Variants in MYCBP2 observed in about 807,000 individuals in gnomAD.
MYCBP2 encodes the protein MYC binding protein 2.
A neutral mutation model predicts 525.3 loss-of-function variants in MYCBP2; 120 were observed. That is an observed-to-expected ratio of 0.23 (90% CI 0.20 to 0.27). The LOEUF (loss-of-function observed/expected upper bound fraction) is 0.27, where lower values mean the gene tolerates loss of function less well. Among genes scored for constraint, MYCBP2 ranks in the 10% least tolerant of loss-of-function variants. MYCBP2 has a pLI of 1.00. For missense variants in MYCBP2, 4,149 were observed against 5,657.1 expected (o/e 0.73, Z 8.55); for synonymous variants, 1,894 against 1,955.8 (o/e 0.97, Z 0.83).
intron 26 of MYCBP2, among the ~76,000 whole-genome samples, chr13:77,198,417 A>G (rs2062000643): frequency 6.6e-6 from 1 of 152,260 alleles, no homozygotes; most frequent in Admixed American, 6.5e-5. Flanking sequence ...ATTATGAAGA[A>G]GAGTGTTAAC....
At position 77,191,750 on chromosome 13, in the gene MYCBP2, T is replaced by C. The variant is rs759314259; in HGVS notation, c.3999A>G (p.Ala1333=). ...VLLQAGWWYV[A]WARVSGPSSD... ...TGCTGGGTCCTGACACTCGGGCCCA[T>C]GCCACATACCACCACCCAGCTTGCA... Residue 1333 remains alanine, a synonymous_variant, in exon 28 of 83, where the codon GCA becomes GCG. Transcript: ENST00000544440. 1 of 1,614,094 alleles carries C rather than the reference T, an allele frequency of 6.2e-7. No homozygotes were observed. The highest frequency in any genetic ancestry group is 1.7e-5 in the Admixed American group (1 of 59,974).
At chr13:77,243,207 A>G (rs1402077864) in intron 16 of MYCBP2, 47 bp from the exon 17 acceptor site, 2 of 1,346,570 alleles carry the variant, frequency 1.5e-6, no homozygotes, top group African/African-American at 2.9e-5. Flanking sequence ...TATATGTTAT[A>G]TAATAGCTAT....
In MYCBP2 at chr13:77,189,060, GAC is replaced by G; in HGVS notation, c.4155-15_4155-14del. 6.4e-7 allele frequency: 1 copy of G among 1,566,664 alleles called. No individual in the cohort carries two copies. The highest frequency in any genetic ancestry group is 8.7e-7 in the Non-Finnish European group (1 of 1,153,676). Reference sequence around the variant, plus strand: ...ACTGGTTGGAAGTCTAAAGGCAGTAGACACATATAAAATTATGTTAGAAAGTC... The same window carrying G: ...ACTGGTTGGAAGTCTAAAGGCAGTAGACATATAAAATTATGTTAGAAAGTC... On this transcript the variant is annotated splice_polypyrimidine_tract_variant and intron_variant, in intron 29 of 82. Transcript: ENST00000544440.
At chr13:77,061,049 A>G in intron 76 of MYCBP2, 120 bp downstream of exon 76, 1 of 1,089,786 alleles carries the variant, frequency 9.2e-7, no homozygotes, top group Non-Finnish European at 1.3e-6. Context: ...TATATAGATC[A>G]ATGATGTCAT....
chr13:77,203,637 T>C (rs577933854), intron 26 of MYCBP2, among the ~76,000 whole-genome samples: 59 of 152,328 alleles, frequency 3.9e-4, no homozygotes, highest in African/African-American at 1.4e-3. Context: ...ACTACCTGAC[T>C]TCAAACTATA....
In MYCBP2 at chr13:77,294,131, C is replaced by CACATAT. The variant is rs1555465826; in HGVS notation, c.378+2467_378+2468insATATGT. Among the ~76,000 whole-genome samples the CACATAT allele has an allele frequency of 7.6e-5, 5 of 65,692 alleles. No homozygotes were observed. In the Admixed American group the frequency reaches 1.0e-3, roughly 13 times the overall value. The allele number at this position is 65,692 out of a possible 152,430, so 43.1% of individuals were successfully genotyped here. A position where few individuals can be genotyped will look rare whatever the true frequency, so the allele number is the denominator to read the frequency against. On this transcript the variant is annotated intron_variant, in intron 2 of 82. Coordinates refer to ENST00000544440, the MANE Select transcript of MYCBP2 (RefSeq NM_015057.5). ...ATATATATATATATATATATATATA[C>CACATAT]ATATATATATACATATATATAAAAT...
intron 49 of MYCBP2, 27 bp from the exon 50 acceptor site, chr13:77,140,970 C>T: frequency 6.7e-7 from 1 of 1,501,938 alleles, no homozygotes; most frequent in East Asian, 2.3e-5. Flanking sequence ...AGAACTGTAA[C>T]ATTTGAGAAA....
intron 46 of MYCBP2, among the ~76,000 whole-genome samples, chr13:77,153,811 A>G (rs920802813): frequency 5.9e-5 from 9 of 151,886 alleles, no homozygotes; most frequent in Non-Finnish European, 1.2e-4. Flanking sequence ...TGTACCCTTC[A>G]CTCAGGTTCC....
chr13:77,062,303 C>A (rs1198517229), intron 74 of MYCBP2, among the ~76,000 whole-genome samples: 1 of 152,142 alleles, frequency 6.6e-6, no homozygotes, highest in African/African-American at 2.4e-5. Flanking sequence ...TATCTAGTCA[C>A]TAAATCAGAC....
intron 2 of MYCBP2, among the ~76,000 whole-genome samples, chr13:77,290,113 T>A (rs975749293): frequency 6.6e-6 from 1 of 152,108 alleles, no homozygotes; most frequent in African/African-American, 2.4e-5. Flanking sequence ...AAAGGGTGAA[T>A]AAGCACATGA....
chr13:77,195,574 G>T (rs574114911), intron 26 of MYCBP2, among the ~76,000 whole-genome samples: 32 of 149,222 alleles, frequency 2.1e-4, no homozygotes, highest in Non-Finnish European at 4.2e-4. Flanking sequence ...TCCAGTGTGG[G>T]CTACCAAAGA....
intron 1 of MYCBP2, among the ~76,000 whole-genome samples, chr13:77,308,224 T>A (rs1437905947): frequency 6.6e-6 from 1 of 152,162 alleles, no homozygotes; most frequent in Non-Finnish European, 1.5e-5. Context: ...ATTTAACCAA[T>A]AAAATAGAGA....
intron 26 of MYCBP2, among the ~76,000 whole-genome samples, chr13:77,200,964 C>A (rs528439317): frequency 4.6e-5 from 7 of 151,686 alleles, no homozygotes; most frequent in African/African-American, 9.7e-5. Flanking sequence ...ACCATCGAGA[C>A]TAGGAAGAAA....
rs2051683252 is a variant in MYCBP2 at position 77,126,422 on chromosome 13, C to T, written c.7780G>A (p.Val2594Met). ...LRGGPGMYKV[V>M]KTGPSGHNIR... is the part of the protein sequence containing the mutation. ...TTGTGACCTGAAGGTCCCGTCTTCACTACCTTGTACATGCCTGGCCCTCCT... is the reference window on the plus strand; with the variant it reads ...TTGTGACCTGAAGGTCCCGTCTTCATTACCTTGTACATGCCTGGCCCTCCT... Residue 2594 changes from valine to methionine, a missense_variant, in exon 53 of 83, where the codon GTG becomes ATG. Around this residue, in one of 21 missense-constraint regions of MYCBP2, gnomAD observed 692 missense variants for 852.7 expected, o/e 0.81. Coordinates refer to ENST00000544440, the MANE Select transcript of MYCBP2 (RefSeq NM_015057.5). The T allele has an allele frequency of 1.2e-6, 2 of 1,614,016 alleles. No homozygotes were observed. Among genetic ancestry groups the T allele is most frequent in the Non-Finnish European group, 1.7e-6 (2 of 1,179,898 alleles).
chr13:77,266,746 G>GAAA (rs56408804), intron 8 of MYCBP2, among the ~76,000 whole-genome samples: 11 of 89,384 alleles, frequency 1.2e-4, no homozygotes, highest in African/African-American at 1.8e-4. Context: ...GACTTGTAAT[G>GAAA]AAAAAAAAAA....
At position 77,174,343 on chromosome 13, in the gene MYCBP2, G is replaced by A; in HGVS notation, c.5619C>T (p.Thr1873=). The A allele has an allele frequency of 6.2e-7, 1 of 1,614,070 alleles. No homozygotes were observed. Among genetic ancestry groups the A allele is most frequent in the Non-Finnish European group, 8.5e-7 (1 of 1,179,998 alleles). The part of the protein sequence containing the change: ...CSLSSNGTNQ[T]RGQIPQILYY... The stretch of plus-strand genomic sequence containing the variant: ...AGAGTATCTGTGGGATCTGTCCTCT[G>A]GTTTGGTTTGTGCCGTTACTGCTCA... Residue 1873 remains threonine, a synonymous_variant, in exon 37 of 83, where the codon ACC becomes ACT. Transcript: ENST00000544440.
At chr13:77,096,616 G>A in intron 56 of MYCBP2, 135 bp from the exon 57 acceptor site, 1 of 922,248 alleles carries the variant, frequency 1.1e-6, no homozygotes, top group Non-Finnish European at 1.5e-6. Flanking sequence ...TTATTTTTCA[G>A]GCTATTAACT....
intron 2 of MYCBP2, among the ~76,000 whole-genome samples, chr13:77,295,314 C>T (rs950763826): frequency 6.6e-6 from 1 of 151,820 alleles, no homozygotes; most frequent in Non-Finnish European, 1.5e-5. Flanking sequence ...TTGTATTTTT[C>T]GTAGAGACAG....
At chr13:77,207,313 C>T (rs1224765909) in intron 23 of MYCBP2, among the ~76,000 whole-genome samples, 1 of 152,168 alleles carries the variant, frequency 6.6e-6, no homozygotes, top group Non-Finnish European at 1.5e-5. Flanking sequence ...GGATGTTCAA[C>T]CATATGAATA....
Sources: allele counts gnomAD v4.1 joint callset (sites outside exome capture counted in the v4.1 genomes callset), GRCh38; gene constraint gnomAD v4.1.1; regional missense constraint gnomAD v4.1.1; transcripts MANE v1.5; gene names NCBI Gene and HGNC (gene_info 2026-07-23, HGNC 2026-07-21).